YTHDC2: variants seen among roughly 807,000 people sequenced by gnomAD.
YTHDC2 encodes YTH N6-methyladenosine RNA binding protein C2, also known as 3'-5' RNA helicase YTHDC2.
A neutral mutation model predicts 174.9 loss-of-function variants in YTHDC2; 45 were observed. That is an observed-to-expected ratio of 0.26 (90% confidence interval 0.20 to 0.33). The LOEUF is 0.33. YTHDC2 is among the 10% of genes least tolerant of loss of function. The pLI, the probability that YTHDC2 is intolerant of heterozygous loss-of-function variation, is 1.00. For missense variants in YTHDC2, 1,650 were observed against 1,723.7 expected (o/e 0.96, Z 0.76); for synonymous variants, 657 against 574.5 (o/e 1.14, Z -2.05).
chr5:113,529,149 A>T (rs1433485502), intron 4 of YTHDC2, among the ~76,000 whole-genome samples: 1 of 152,188 alleles, frequency 6.6e-6, no homozygotes, highest in African/African-American at 2.4e-5. Flanking sequence ...TTGGTGAAAA[A>T]TGACACTTTA....
rs138392928 is a variant in YTHDC2, at chr5:113,593,384, C to T, written c.*1C>T. The T allele has an allele frequency of 1.5e-3, 2,364 of 1,610,720 alleles. 4 individuals are homozygous for T. The highest frequency in any genetic ancestry group is 1.9e-3 in the Non-Finnish European group (2,197 of 1,177,460). On this transcript the variant is annotated 3_prime_UTR_variant, in exon 29 of 30. Coordinates refer to ENST00000161863, the MANE Select transcript of YTHDC2 (RefSeq NM_022828.5). ...GGGAGAAAAAAACACAACTGATTGA[C>T]ACTCAGGTTATACCATCTTGACTTT... is the stretch of plus-strand genomic sequence containing the variant.
chr5:113,566,367 AG>A (rs1240390805), intron 21 of YTHDC2, among the ~76,000 whole-genome samples: 1 of 151,892 alleles, frequency 6.6e-6, no homozygotes, highest in Non-Finnish European at 1.5e-5. Context: ...TCTGTGAAAT[AG>A]AAATTTTAAA....
At chr5:113,589,726 T>G (rs1778908835) in intron 26 of YTHDC2, among the ~76,000 whole-genome samples, 1 of 151,964 alleles carries the variant, frequency 6.6e-6, no homozygotes, top group Non-Finnish European at 1.5e-5. Context: ...AGTGAGACCC[T>G]GTCCCCCTAA....
At chr5:113,548,717 TA>T (rs780490871) in intron 11 of YTHDC2, 50 bp downstream of exon 11, 14 of 1,512,594 alleles carry the variant, frequency 9.3e-6, no homozygotes, top group Non-Finnish European at 1.2e-5. Context: ...TAGCTACACA[TA>T]TCTTTTTTTG....
chr5:113,541,258 C>G (rs555382290), intron 9 of YTHDC2, 142 bp downstream of exon 9: 2 of 892,816 alleles, frequency 2.2e-6, no homozygotes, highest in African/African-American at 1.7e-5. Flanking sequence ...GTGGCGTGAT[C>G]TCGGCTCACT....
At chr5:113,556,551 C>T (rs1433492544) in intron 17 of YTHDC2, among the ~76,000 whole-genome samples, 1 of 152,134 alleles carries the variant, frequency 6.6e-6, no homozygotes, top group African/African-American at 2.4e-5. Flanking sequence ...ACATTAACCT[C>T]ACATATACTA....
At chr5:113,542,618 A>T (rs1011888318) in intron 10 of YTHDC2, 115 bp downstream of exon 10, 5 of 876,092 alleles carry the variant, frequency 5.7e-6, no homozygotes, top group Non-Finnish European at 6.6e-6. Context: ...TTTATTTTTT[A>T]AAAGTATTTA....
At chr5:113,542,071 G>A (rs577822087) in intron 9 of YTHDC2, among the ~76,000 whole-genome samples, 3 of 152,254 alleles carry the variant, frequency 2.0e-5, no homozygotes, top group Non-Finnish European at 4.4e-5. Flanking sequence ...TTGGGAGAGA[G>A]AACTACTGAT....
chr5:113,531,348 G>C (rs1056367378), intron 4 of YTHDC2, among the ~76,000 whole-genome samples: 1 of 152,066 alleles, frequency 6.6e-6, no homozygotes, highest in Admixed American at 6.5e-5. Flanking sequence ...TTGTAGCTGC[G>C]GTCCCATCAG....
At chr5:113,536,007 C>T (rs1214236382) in intron 7 of YTHDC2, among the ~76,000 whole-genome samples, 1 of 152,184 alleles carries the variant, frequency 6.6e-6, no homozygotes. Flanking sequence ...GCCTAATTCT[C>T]TTACCTTAAA....
chr5:113,514,415 T>C (rs1424222890), intron 1 of YTHDC2: 9 of 527,900 alleles, frequency 1.7e-5, no homozygotes, highest in Non-Finnish European at 3.2e-5. Context: ...TAAGGGGGTG[T>C]CACCTAATTG....
intron 23 of YTHDC2, among the ~76,000 whole-genome samples, chr5:113,571,276 A>G (rs1777698275): frequency 1.3e-5 from 2 of 152,196 alleles, no homozygotes; most frequent in African/African-American, 2.4e-5. Flanking sequence ...GTGATGAATT[A>G]TGTTTATTGA....
At position 113,556,152 on chromosome 5, in the gene YTHDC2, T is replaced by C. The variant is rs576646668; in HGVS notation, c.2216+18T>C. On this transcript the variant is annotated intron_variant, in intron 17 of 29. Coordinates refer to ENST00000161863, the MANE Select transcript of YTHDC2 (RefSeq NM_022828.5). The stretch of plus-strand genomic sequence containing the variant: ...AAAGGCAGGTAATGTATATTTAATG[T>C]ATATTCATTCAATTGCCTGTAAAAT... 3.4e-6 allele frequency: 5 copies of C among 1,480,182 alleles called. No homozygotes were observed. Among genetic ancestry groups the C allele is most frequent in the Non-Finnish European group, 4.7e-6 (5 of 1,067,350 alleles). The allele number at this position is 1,480,182 out of a possible 1,614,324, so 91.7% of individuals were successfully genotyped here.
chr5:113,566,580 A>G (rs1258673443), intron 21 of YTHDC2, among the ~76,000 whole-genome samples: 2 of 151,834 alleles, frequency 1.3e-5, no homozygotes, highest in Non-Finnish European at 2.9e-5. Flanking sequence ...GGGTTAGCTG[A>G]AGTGCCAGAG....
intron 21 of YTHDC2, among the ~76,000 whole-genome samples, chr5:113,566,444 A>G (rs911461106): frequency 7.2e-6 from 1 of 138,670 alleles, no homozygotes; most frequent in Admixed American, 7.2e-5. Context: ...ACTTGAAGTC[A>G]CCTTTTTTTT....
intron 23 of YTHDC2, among the ~76,000 whole-genome samples, chr5:113,578,751 A>G (rs1409741171): frequency 6.6e-6 from 1 of 152,112 alleles, no homozygotes; most frequent in Non-Finnish European, 1.5e-5. Context: ...TTCCATGCAA[A>G]ATTGAGAGAC....
At chr5:113,565,717 T>G in intron 20 of YTHDC2, 176 bp from the exon 21 acceptor site, 1 of 577,760 alleles carries the variant, frequency 1.7e-6, no homozygotes, top group Non-Finnish European at 2.6e-6. Context: ...TTTTTTAGCA[T>G]TTGAGTATAA....
At position 113,575,504 on chromosome 5, in the gene YTHDC2, A is replaced by G. The variant is rs112509838; in HGVS notation, c.3245-4082A>G. On this transcript the variant is annotated intron_variant, in intron 23 of 29. Coordinates refer to ENST00000161863, the MANE Select transcript of YTHDC2 (RefSeq NM_022828.5). Reference sequence around the variant, plus strand: ...GAAGACTTAAACTGAGACCTACAATATGAGAAGAGCCAGCCACATGAAAAG... The same window carrying G: ...GAAGACTTAAACTGAGACCTACAATGTGAGAAGAGCCAGCCACATGAAAAG... Among the ~76,000 whole-genome samples the G allele has an allele frequency of 1.0e-3, 158 of 152,346 alleles. 5 individuals carry two copies. Among genetic ancestry groups the G allele is most frequent in the African/African-American group, 3.6e-3 (149 of 41,584 alleles).
intron 10 of YTHDC2, among the ~76,000 whole-genome samples, chr5:113,545,357 TTTTTGTTTTGTTTTG>T (rs58837820): frequency 0.083 from 12,154 of 145,950 alleles, 703 homozygotes; most frequent in Non-Finnish European, 0.11. Context: ...TCATTATTCT[TTTTTGTTTTGTTTTG>T]TTTTGTTTTG....
Sources: gnomAD v4.1 joint callset for allele counts (sites outside exome capture counted in the v4.1 genomes callset) on GRCh38, gnomAD v4.1.1 for gene constraint, MANE v1.5 for transcripts, NCBI Gene and HGNC (gene_info 2026-07-23, HGNC 2026-07-21) for gene names.